NGLY1: variants seen among roughly 807,000 people sequenced by gnomAD.
NGLY1 encodes the protein N-glycanase 1.
In NGLY1, 68 loss-of-function variants were observed where a neutral mutation model predicts 84.6. The ratio of observed to expected loss-of-function variants is 0.80; its 90% CI spans 0.66 to 0.98. The LOEUF is 0.98. Ranked by LOEUF, NGLY1 falls within the 50% of genes least tolerant of loss-of-function variation. The pLI is 0.00. For missense variants in NGLY1, 779 were observed against 770.2 expected (o/e 1.01, Z -0.14); for synonymous variants, 280 against 275.2 (o/e 1.02, Z -0.17).
At chr3:25,764,558 T>A (rs1707467836) in intron 2 of NGLY1, among the ~76,000 whole-genome samples, 1 of 152,180 alleles carries the variant, frequency 6.6e-6, no homozygotes, top group African/African-American at 2.4e-5. Flanking sequence ...CTATTTAATG[T>A]GGTTCAAAGG....
chr3:25,734,176 G>A (rs1705699501), intron 7 of NGLY1, 194 bp from the exon 8 acceptor site: 8 of 578,996 alleles, frequency 1.4e-5, no homozygotes, highest in Admixed American at 1.1e-4. Flanking sequence ...AGAGATTCTC[G>A]TATCTCAGCC....
At position 25,764,268 on chromosome 3, in the gene NGLY1, T is replaced by C. The variant is rs747149239; in HGVS notation, c.290A>G (p.Gln97Arg). The change falls in exon 3 of 12, where the codon CAG becomes CGG. Residue 97 changes from glutamine to arginine, a missense_variant. Transcript: ENST00000280700. ...LIFPKKASVEQLQKIRDLIAI... is the reference protein window; with the variant it reads ...LIFPKKASVERLQKIRDLIAI... ...AATCAGGTCACGAATTTTTTGCAGC[T>C]GCTCCACTGAAGCTTTTTTAGGAAA... is the stretch of plus-strand genomic sequence containing the variant. 4 of 1,614,148 alleles carry C rather than the reference T, an allele frequency of 2.5e-6. No homozygotes were observed. The South Asian group carries it at 4.4e-5, about 18-fold the overall frequency.
upstream of NGLY1, among the ~76,000 whole-genome samples, chr3:25,786,079 G>T (rs1288392397): frequency 1.3e-5 from 2 of 152,128 alleles, no homozygotes; most frequent in African/African-American, 4.8e-5. Context: ...CCTTGCTAAT[G>T]GTTTTTATGG....
At position 25,783,255 on chromosome 3, in the gene NGLY1, T is replaced by G; in HGVS notation, c.131+5A>C. ...TACCCGCCGTCCGACCCCGTTGCCC[T>G]GCACCTGAGGATGTTGTCAGCATAG... On this transcript the variant is annotated splice_donor_5th_base_variant and intron_variant, in intron 1 of 11. Coordinates refer to ENST00000280700, the MANE Select transcript of NGLY1 (RefSeq NM_018297.4). The surrounding 1 kb of genome is among the most constrained non-coding windows in gnomAD (Gnocchi z 4.5). 1 of 1,495,804 alleles carries G rather than the reference T, an allele frequency of 6.7e-7. No homozygotes were observed. Among genetic ancestry groups the G allele is most frequent in the Non-Finnish European group, 9.2e-7 (1 of 1,082,226 alleles). 92.7% of individuals were successfully genotyped at this position (1,495,804 alleles called of 1,614,324 possible). A position where few individuals can be genotyped will look rare whatever the true frequency, so the allele number is the denominator to read the frequency against.
intron 3 of NGLY1, chr3:25,755,722 G>A: frequency 1.6e-6 from 2 of 1,232,748 alleles, no homozygotes; most frequent in South Asian, 2.9e-5. Flanking sequence ...AGGAAAGCTG[G>A]TTTTGAGCCC....
chr3:25,773,562 C>G (rs1708003146), intron 2 of NGLY1, among the ~76,000 whole-genome samples: 1 of 151,962 alleles, frequency 6.6e-6, no homozygotes, highest in African/African-American at 2.4e-5. Flanking sequence ...TTTAAGTTCT[C>G]TGGTGTCTCC....
chr3:25,738,760 G>A (rs1705971909), intron 5 of NGLY1, among the ~76,000 whole-genome samples: 1 of 151,766 alleles, frequency 6.6e-6, no homozygotes, highest in Non-Finnish European at 1.5e-5. Flanking sequence ...TCCCCATATA[G>A]AGAAGAGCTA....
chr3:25,732,252 T>C (rs1705572966), intron 9 of NGLY1, 67 bp downstream of exon 9: 2 of 1,455,614 alleles, frequency 1.4e-6, no homozygotes, highest in Non-Finnish European at 1.9e-6. Flanking sequence ...TGGAGGATAG[T>C]ATAGGAAGAG....
intron 4 of NGLY1, 71 bp downstream of exon 4, chr3:25,751,027 G>T: frequency 6.9e-7 from 1 of 1,454,090 alleles, no homozygotes. Flanking sequence ...AGGGTCAGTT[G>T]TATTTCAGTA....
chr3:25,777,387 C>A (rs1420490919), intron 2 of NGLY1, among the ~76,000 whole-genome samples: 2 of 128,510 alleles, frequency 1.6e-5, no homozygotes, highest in Non-Finnish European at 3.4e-5. Context: ...AAGAGCGAAA[C>A]TCCATCTCAA....
At chr3:25,787,981 C>A (rs1335717655), upstream of NGLY1, among the ~76,000 whole-genome samples, 1 of 152,170 alleles carries the variant, frequency 6.6e-6, no homozygotes, top group South Asian at 2.1e-4. Context: ...TTCTCTGAAG[C>A]CTTTTCTGAC....
chr3:25,719,879 T>A, intron 11 of NGLY1, 135 bp downstream of exon 11: 1 of 717,256 alleles, frequency 1.4e-6, no homozygotes, highest in Admixed American at 4.7e-5. Context: ...CAGGGTTTAT[T>A]AAATTTTTTT....
rs148327732 is a variant in NGLY1, at chr3:25,729,651, C to A, written c.1426-333G>T. ...CTACAATTGTCTCCTGAAGCTGACT[C>A]CCAGCTTTCAACTCTTACCTCTCCT... On this transcript the variant is annotated intron_variant, in intron 9 of 11. Coordinates refer to ENST00000280700, the MANE Select transcript of NGLY1 (RefSeq NM_018297.4). 34 of 164,896 alleles carry A rather than the reference C, an allele frequency of 2.1e-4. 2 individuals are homozygous for A. Among genetic ancestry groups the A allele is most frequent in the East Asian group, 1.5e-3 (9 of 6,046 alleles). 10.2% of individuals were successfully genotyped at this position (164,896 alleles called of 1,614,324 possible).
intron 10 of NGLY1, among the ~76,000 whole-genome samples, chr3:25,721,024 T>A (rs1481365484): frequency 6.6e-6 from 1 of 152,232 alleles, no homozygotes; most frequent in Non-Finnish European, 1.5e-5. Context: ...CAGTTTGAAC[T>A]TTACACTTAT....
Position 25,719,535 on chromosome 3 carries a change from G to C in NGLY1, c.1890C>G (p.Thr630=), listed in dbSNP as rs755109675. ...RGDGDVAWQH[T]QLFRQSLNDH... ...CATTTAAGCTTTGTCTAAACAGCTGGGTGTGTTGCCAAGCGACATCACCAT... is the reference window on the plus strand; with the variant it reads ...CATTTAAGCTTTGTCTAAACAGCTGCGTGTGTTGCCAAGCGACATCACCAT... The change falls in exon 12 of 12, where the codon ACC becomes ACG. Residue 630 remains threonine, a synonymous_variant. Transcript: ENST00000280700. 6.2e-7 allele frequency: 1 copy of C among 1,613,842 alleles called. No individual in the cohort carries two copies.
upstream of NGLY1, among the ~76,000 whole-genome samples, chr3:25,786,354 C>T (rs1184722061): frequency 6.7e-6 from 1 of 149,894 alleles, no homozygotes; most frequent in African/African-American, 2.5e-5. Flanking sequence ...CATGATATGT[C>T]AACTCTAAAA....
At chr3:25,748,246 C>A (rs1706539591) in intron 4 of NGLY1, among the ~76,000 whole-genome samples, 1 of 152,138 alleles carries the variant, frequency 6.6e-6, no homozygotes, top group South Asian at 2.1e-4. Context: ...AGAACCTTCT[C>A]CTTGATACCT....
chr3:25,785,288 TA>T (rs987905708), upstream of NGLY1, among the ~76,000 whole-genome samples: 6 of 148,350 alleles, frequency 4.0e-5, no homozygotes, highest in Non-Finnish European at 6.0e-5. Context: ...TTACAAAAAA[TA>T]AAAAAAAAAT....
upstream of NGLY1, among the ~76,000 whole-genome samples, chr3:25,786,099 T>A (rs1575673572): frequency 6.6e-6 from 1 of 152,332 alleles, no homozygotes; most frequent in East Asian, 1.9e-4. Context: ...GAGGTTAACT[T>A]TTTAATATCA....
Sources: allele counts gnomAD v4.1 joint callset (sites outside exome capture counted in the v4.1 genomes callset), GRCh38; gene constraint gnomAD v4.1.1; non-coding constraint Gnocchi (gnomAD v3.1); transcripts MANE v1.5; gene names NCBI Gene and HGNC (gene_info 2026-07-23, HGNC 2026-07-21).